The following CALD1 variants were observed in gnomAD, a reference collection of about 807,000 sequenced individuals.
CALD1 encodes the protein caldesmon.
In CALD1, 33 loss-of-function variants were observed where a neutral mutation model predicts 99.9. The observed-to-expected ratio is 0.33, with a 90% CI of 0.25 to 0.44. The LOEUF (loss-of-function observed/expected upper bound fraction) is 0.44, where lower values mean the gene tolerates loss of function less well. CALD1 is among the 20% of genes least tolerant of loss of function. The pLI, the probability that CALD1 is intolerant of heterozygous loss-of-function variation, is 1.00. For synonymous variants in CALD1, 310 were observed against 325.0 expected (o/e 0.95, Z 0.50); for missense variants, 861 against 962.1 (o/e 0.89, Z 1.39).
At chr7:134,774,104 A>G (rs1186653571) in intron 1 of CALD1, among the ~76,000 whole-genome samples, 2 of 149,310 alleles carry the variant, frequency 1.3e-5, no homozygotes, top group Admixed American at 6.6e-5. Flanking sequence ...CAGGAGACAG[A>G]GGTTGCAGTG....
chr7:134,807,108 G>A (rs951652928), intron 1 of CALD1, among the ~76,000 whole-genome samples: 1 of 152,132 alleles, frequency 6.6e-6, no homozygotes, highest in African/African-American at 2.4e-5. Context: ...CATCATCATG[G>A]GCAGAGGACT....
chr7:134,932,088 C>A (rs1298637085), intron 4 of CALD1, among the ~76,000 whole-genome samples: 1 of 152,146 alleles, frequency 6.6e-6, no homozygotes, highest in Non-Finnish European at 1.5e-5. Flanking sequence ...GGGAGTGCAC[C>A]TCTGTTTGTT....
intron 2 of CALD1, among the ~76,000 whole-genome samples, chr7:134,845,845 C>T (rs951580101): frequency 2.0e-5 from 3 of 152,154 alleles, no homozygotes; most frequent in Non-Finnish European, 4.4e-5. Context: ...GAACACTGCA[C>T]GATACTTCTA....
At position 134,947,524 on chromosome 7, in the gene CALD1, G is replaced by A. The variant is rs1279649552; in HGVS notation, c.1549G>A (p.Ala517Thr). ...ENTFSRPGGR[A>T]SVDTKEAEGA... ...CAACCACAGCCGCCCTGGAGGGAGG[G>A]CCAGCGTGGACACCAAGGAGGCTGA... Residue 517 changes from alanine to threonine, a missense_variant, in exon 8 of 15, where the codon GCC (alanine) becomes ACC (threonine). By Grantham distance (58) the Ala-to-Thr change is moderately conservative. Coordinates refer to ENST00000361675, the MANE Select transcript of CALD1 (RefSeq NM_033138.4). The A allele has an allele frequency of 7.0e-6, 11 of 1,568,844 alleles. No homozygotes were observed. The highest frequency in any genetic ancestry group is 8.6e-6 in the Non-Finnish European group (10 of 1,156,630).
upstream of CALD1, among the ~76,000 whole-genome samples, chr7:134,741,720 A>T (rs924915406): frequency 6.6e-6 from 1 of 152,108 alleles, no homozygotes; most frequent in African/African-American, 2.4e-5. Context: ...TGTTTTTTAC[A>T]GTTCGTTTTT....
chr7:134,718,280 T>C, the CALD1 span, among the ~76,000 whole-genome samples: 1 of 152,330 alleles, frequency 6.6e-6, no homozygotes, highest in East Asian at 1.9e-4. Context: ...CTTGATGTCA[T>C]AAGCACTTTA....
chr7:134,929,859 T>C (rs1292619348), intron 4 of CALD1, among the ~76,000 whole-genome samples: 1 of 151,134 alleles, frequency 6.6e-6, no homozygotes, highest in East Asian at 2.0e-4. Context: ...CTTTTAGTTC[T>C]TTAAGGAATC....
chr7:134,960,259 C>G, intron 12 of CALD1, 148 bp downstream of exon 12: 2 of 907,696 alleles, frequency 2.2e-6, no homozygotes, highest in Non-Finnish European at 3.4e-6. Context: ...AAAGCAAGCT[C>G]AGAGAGAATG....
intron 3 of CALD1, among the ~76,000 whole-genome samples, chr7:134,897,173 C>G (rs747726504): frequency 1.3e-5 from 2 of 152,102 alleles, no homozygotes; most frequent in Non-Finnish European, 2.9e-5. Context: ...GTTTCGCATT[C>G]TAGTGAATAC....
intron 6 of CALD1, among the ~76,000 whole-genome samples, chr7:134,936,686 T>C (rs1262707818): frequency 6.6e-6 from 1 of 152,126 alleles, no homozygotes; most frequent in African/African-American, 2.4e-5. Context: ...CCAGATTAAA[T>C]AGGGGGTGGG....
chr7:134,919,975 T>A (rs1260806482), intron 3 of CALD1, among the ~76,000 whole-genome samples: 1 of 152,126 alleles, frequency 6.6e-6, no homozygotes, highest in African/African-American at 2.4e-5. Flanking sequence ...TTTTAAGGAA[T>A]CCAAGGAAAA....
intron 1 of CALD1, among the ~76,000 whole-genome samples, chr7:134,774,280 T>C (rs959920387): frequency 6.6e-6 from 1 of 152,226 alleles, no homozygotes; most frequent in African/African-American, 2.4e-5. Flanking sequence ...TAGGTCTTTT[T>C]TTCCATGAGC....
chr7:134,861,324 A>G (rs920310960), intron 2 of CALD1, among the ~76,000 whole-genome samples: 1 of 152,232 alleles, frequency 6.6e-6, no homozygotes, highest in African/African-American at 2.4e-5. Flanking sequence ...AGCGATGATC[A>G]TTGCAGATCA....
intron 3 of CALD1, chr7:134,891,548 C>T (rs1393654928): frequency 1.3e-6 from 2 of 1,554,316 alleles, no homozygotes; most frequent in African/African-American, 1.4e-5. Context: ...GCGGGCCCAG[C>T]CCACGCCCTG....
At chr7:134,812,481 G>A (rs78125424) in intron 1 of CALD1, among the ~76,000 whole-genome samples, 259 of 151,982 alleles carry the variant, frequency 1.7e-3, no homozygotes, top group African/African-American at 5.9e-3. Context: ...CGACAATATC[G>A]GGAGTGTTTA....
rs113706725 is a variant in CALD1, at chr7:134,815,856, T to C, written c.-129-28028T>C. 2.8e-3 allele frequency among the ~76,000 whole-genome samples: 429 copies of C among 152,326 alleles called. 1 individual carries two copies. Among genetic ancestry groups the C allele is most frequent in the African/African-American group, 9.7e-3 (403 of 41,576 alleles). On this transcript the variant is annotated intron_variant, in intron 1 of 14. Transcript: ENST00000361675. ...CAAATAAAACATTTTAAGATATCTA[T>C]CCTTTGAAAAACAAAGCCTATTAAT...
the CALD1 span, among the ~76,000 whole-genome samples, chr7:134,733,604 C>T: frequency 6.6e-6 from 1 of 151,694 alleles, no homozygotes; most frequent in African/African-American, 2.4e-5. Flanking sequence ...GTCAGGAGAT[C>T]GAGACCATCC....
At chr7:134,773,508 C>T (rs752262105) in intron 1 of CALD1, among the ~76,000 whole-genome samples, 10 of 151,994 alleles carry the variant, frequency 6.6e-5, no homozygotes, top group Non-Finnish European at 1.2e-4. Context: ...TCCTAGGCTC[C>T]TTCTTCTCAG....
intron 1 of CALD1, among the ~76,000 whole-genome samples, chr7:134,830,013 T>C (rs570651501): frequency 1.3e-5 from 2 of 152,138 alleles, no homozygotes; most frequent in African/African-American, 4.8e-5. Flanking sequence ...ATTGGTGTCA[T>C]TTGCTAAGAT....
Sources: allele counts gnomAD v4.1 joint callset (sites outside exome capture counted in the v4.1 genomes callset), GRCh38; gene constraint gnomAD v4.1.1; transcripts MANE v1.5; gene names NCBI Gene and HGNC (gene_info 2026-07-23, HGNC 2026-07-21).